Variants in TNFRSF13B observed in about 807,000 individuals in gnomAD.
TNFRSF13B encodes TNF receptor superfamily member 13B.
In TNFRSF13B, 34 loss-of-function variants were observed where a neutral mutation model predicts 24.0. The observed-to-expected ratio is 1.41, with a 90% CI of 1.08 to 1.88. The LOEUF is 1.88. Among genes scored for constraint, TNFRSF13B ranks in the 40% most tolerant of loss-of-function variants. The pLI, the probability that TNFRSF13B is intolerant of heterozygous loss-of-function variation, is 0.00. For missense variants in TNFRSF13B, 415 were observed against 380.8 expected, an observed-to-expected ratio of 1.09 and a Z score of -0.75; for synonymous variants, 173 against 150.3, an observed-to-expected ratio of 1.15 and a Z score of -1.10.
intron 1 of TNFRSF13B, among the ~76,000 whole-genome samples, chr17:16,970,832 CTT>C (rs1171156608): frequency 1.3e-5 from 2 of 152,198 alleles, no homozygotes; most frequent in East Asian, 1.9e-4. Flanking sequence ...CTCTCAGAAA[CTT>C]TACATATTTG....
In TNFRSF13B at chr17:16,939,562, C is replaced by A. The variant is rs1392940626; in HGVS notation, c.867G>T (p.Gly289=). 5 of 1,613,320 alleles carry A rather than the reference C, an allele frequency of 3.1e-6. No individual in the cohort carries two copies. Among genetic ancestry groups the A allele is most frequent in the East Asian group, 4.5e-5 (2 of 44,888 alleles). ...LGIVCVPAQE[G]GPGA ...TGACCCCCATTTATGCACCTGGGCC[C>A]CCCTCCTGGGCAGGCACACACACAA... The change falls in exon 5 of 5, where the codon GGG becomes GGT. Residue 289 remains glycine, a synonymous_variant. Transcript: ENST00000261652.
At position 16,939,654 on chromosome 17, in the gene TNFRSF13B, A is replaced by C. The variant is rs1597656277; in HGVS notation, c.775T>G (p.Trp259Gly). 6.2e-7 allele frequency: 1 copy of C among 1,611,972 alleles called. No individual in the cohort carries two copies. The highest frequency in any genetic ancestry group is 8.5e-7 in the Non-Finnish European group (1 of 1,178,612). ...GTPDPTCAGRWGCHTRTTVLQ... is the reference protein window; with the variant it reads ...GTPDPTCAGRGGCHTRTTVLQ... ...ACTGTGGTCCTGGTGTGGCACCCCC[A>C]CCTTCCAGCACAAGTGGGGTCGGGG... Residue 259 changes from tryptophan (W) to glycine (G), a missense_variant, in exon 5 of 5, where the codon TGG (tryptophan) becomes GGG (glycine). Trp to Gly is a radical substitution (Grantham distance 184, BLOSUM62 -2). Coordinates refer to ENST00000261652, the MANE Select transcript of TNFRSF13B (RefSeq NM_012452.3).
intron 1 of TNFRSF13B, among the ~76,000 whole-genome samples, chr17:16,958,706 A>G (rs1053161964): frequency 2.0e-5 from 3 of 152,102 alleles, no homozygotes; most frequent in Non-Finnish European, 2.9e-5. Context: ...TCACAAAAAA[A>G]TTACAAAAGA....
At chr17:16,969,831 AAAATC>A (rs2087731299) in intron 1 of TNFRSF13B, among the ~76,000 whole-genome samples, 1 of 152,180 alleles carries the variant, frequency 6.6e-6, no homozygotes, top group African/African-American at 2.4e-5. Context: ...AGGCAAATCT[AAAATC>A]AAAGGATCAA....
At chr17:16,959,938 G>A (rs970927463) in intron 1 of TNFRSF13B, among the ~76,000 whole-genome samples, 1 of 152,060 alleles carries the variant, frequency 6.6e-6, no homozygotes, top group African/African-American at 2.4e-5. Context: ...AAAAACCAAA[G>A]AGAAAAGAAC....
chr17:16,954,862 G>A (rs1247823397), intron 1 of TNFRSF13B, among the ~76,000 whole-genome samples: 1 of 152,162 alleles, frequency 6.6e-6, no homozygotes, highest in Admixed American at 6.5e-5. Flanking sequence ...GTAGCAACGT[G>A]GTCCTTCCTG....
intron 1 of TNFRSF13B, among the ~76,000 whole-genome samples, chr17:16,954,016 C>T (rs906533954): frequency 1.3e-5 from 2 of 152,236 alleles, no homozygotes; most frequent in East Asian, 1.9e-4. Flanking sequence ...CCGCCCGAGT[C>T]GGCCTCCCAA....
At chr17:16,957,839 A>G (rs1196748804) in intron 1 of TNFRSF13B, among the ~76,000 whole-genome samples, 1 of 152,226 alleles carries the variant, frequency 6.6e-6, no homozygotes, top group Non-Finnish European at 1.5e-5. Flanking sequence ...AACTTGCCCT[A>G]CAAGAAATCC....
At chr17:16,968,381 A>G (rs1028090846) in intron 1 of TNFRSF13B, among the ~76,000 whole-genome samples, 2 of 152,368 alleles carry the variant, frequency 1.3e-5, no homozygotes, top group Middle Eastern at 3.4e-3. Context: ...TCAACAGAAT[A>G]TAATTGAGAG....
In TNFRSF13B at chr17:16,952,658, C is replaced by T. The variant is rs961726319; in HGVS notation, c.62-75G>A. 45 of 1,604,704 alleles carry T rather than the reference C, an allele frequency of 2.8e-5. 1 individual carries two copies. Among genetic ancestry groups the T allele is most frequent in the Admixed American group, 5.0e-5 (3 of 59,466 alleles). On this transcript the variant is annotated intron_variant, in intron 1 of 4. Transcript: ENST00000261652. ...CTCTTGTCCCTGATGGGAACCAAGA[C>T]GGCCTCTCCTGCCCACATTCGCACA...
intron 1 of TNFRSF13B, among the ~76,000 whole-genome samples, chr17:16,967,533 T>C (rs2143688505): frequency 6.6e-6 from 1 of 151,210 alleles, no homozygotes; most frequent in South Asian, 2.1e-4. Context: ...GGCTGGCGGA[T>C]CACGAGGTCA....
At chr17:16,947,230 G>A (rs896562452) in intron 3 of TNFRSF13B, among the ~76,000 whole-genome samples, 3 of 152,128 alleles carry the variant, frequency 2.0e-5, no homozygotes, top group Non-Finnish European at 4.4e-5. Flanking sequence ...TTAAATGTAA[G>A]ACCCTAAACT....
In TNFRSF13B at chr17:16,970,951, G is replaced by A. The variant is rs186888687; in HGVS notation, c.61+1064C>T. On this transcript the variant is annotated intron_variant, in intron 1 of 4. Coordinates refer to ENST00000261652, the MANE Select transcript of TNFRSF13B (RefSeq NM_012452.3). Reference sequence around the variant, plus strand: ...GTGTGGGACAGAGCAGCAGGCAGAGGCTGTGAATCTAGGCTGTGCCCCGGG... The same window carrying A: ...GTGTGGGACAGAGCAGCAGGCAGAGACTGTGAATCTAGGCTGTGCCCCGGG... Among the ~76,000 whole-genome samples the A allele has an allele frequency of 2.0e-5, 3 of 152,314 alleles. No individual in the cohort carries two copies. In the East Asian group the frequency reaches 5.8e-4, roughly 29 times the overall value.
chr17:16,958,412 TA>T (rs34678916), intron 1 of TNFRSF13B, among the ~76,000 whole-genome samples: 22,665 of 148,150 alleles, frequency 0.15, 1,737 homozygotes, highest in East Asian at 0.23. Context: ...ACTCTGCTAG[TA>T]AAAAAAAAAA....
intron 3 of TNFRSF13B, among the ~76,000 whole-genome samples, chr17:16,943,796 C>T (rs950276171): frequency 1.3e-5 from 2 of 152,226 alleles, no homozygotes; most frequent in East Asian, 3.8e-4. Context: ...GGTGCTTTTC[C>T]TCGTCTTCTG....
rs936865615 is a variant in TNFRSF13B at position 16,971,914 on chromosome 17, T to C, written c.61+101A>G. 153 of 1,191,092 alleles carry C rather than the reference T, an allele frequency of 1.3e-4. 1 individual carries two copies. The East Asian group carries it at 3.5e-3, about 27-fold the overall frequency. The allele number at this position is 1,191,092 out of a possible 1,614,324, so 73.8% of individuals were successfully genotyped here. Reference sequence around the variant, plus strand: ...ACTGCCCCAGTGTGTGGATCTGCTGTGGGCTTTGCACCTGCTGGACCTTGC... The same window carrying C: ...ACTGCCCCAGTGTGTGGATCTGCTGCGGGCTTTGCACCTGCTGGACCTTGC... On this transcript the variant is annotated intron_variant, in intron 1 of 4. Transcript: ENST00000261652.
Position 16,940,771 on chromosome 17 carries a change from T to C in TNFRSF13B, c.446-260A>G, listed in dbSNP as rs924083333. 1.4e-5 allele frequency: 20 copies of C among 1,399,784 alleles called. No homozygotes were observed. The Admixed American group carries it at 5.5e-4, about 39-fold the overall frequency. The allele number at this position is 1,399,784 out of a possible 1,614,324, so 86.7% of individuals were successfully genotyped here. The stretch of plus-strand genomic sequence containing the variant: ...AGGCCTTCTTGTTGTCTCCACTTGC[T>C]AGGGCTGTAATTGGGACAGCGCTGG... On this transcript the variant is annotated intron_variant, in intron 3 of 4. Transcript: ENST00000261652.
intron 2 of TNFRSF13B, among the ~76,000 whole-genome samples, chr17:16,950,387 G>A (rs1232044920): frequency 2.6e-5 from 4 of 152,236 alleles, no homozygotes; most frequent in African/African-American, 7.2e-5. Context: ...AAATGCTCAC[G>A]TAATGGAAAG....
In TNFRSF13B at chr17:16,952,569, AC is replaced by A. The variant is rs763698599; in HGVS notation, c.75del (p.Trp26GlyfsTer6). On this transcript the variant is annotated frameshift_variant, in exon 2 of 5. Coordinates refer to ENST00000261652, the MANE Select transcript of TNFRSF13B (RefSeq NM_012452.3). LOFTEE classifies it high-confidence loss of function. ...VDQEERFPQGLWTGVAMRSCP... is the reference protein window; with the variant it reads ...VDQEERFPQGXWTGVAMRSCP... The stretch of plus-strand genomic sequence containing the variant: ...CAGGATCTCATAGCCACCCCCGTCC[AC>A]AGGCCCTGTGGAACTGAGAGACCAG... 1.2e-6 allele frequency: 2 copies of A among 1,614,198 alleles called. No homozygotes were observed. Among genetic ancestry groups the A allele is most frequent in the Non-Finnish European group, 1.7e-6 (2 of 1,180,016 alleles).
Sources: allele counts gnomAD v4.1 joint callset (sites outside exome capture counted in the v4.1 genomes callset), GRCh38; gene constraint gnomAD v4.1.1; transcripts MANE v1.5; gene names NCBI Gene and HGNC (gene_info 2026-07-23, HGNC 2026-07-21).